DBP: variants seen among roughly 807,000 people sequenced by gnomAD.
DBP encodes the protein D site-binding protein.
In DBP, 12 loss-of-function variants were observed where a neutral mutation model predicts 21.4. The ratio of observed to expected loss-of-function variants is 0.56; its 90% CI spans 0.36 to 0.91. DBP has a LOEUF of 0.91. Among genes scored for constraint, DBP ranks in the 40% least tolerant of loss-of-function variants. The pLI, the probability that DBP is intolerant of heterozygous loss-of-function variation, is 0.01. For missense variants in DBP, 423 were observed against 473.4 expected (o/e 0.89, Z 0.99); for synonymous variants, 213 against 224.9 (o/e 0.95, Z 0.47).
Position 48,630,806 on chromosome 19 carries a change from G to C in DBP, c.*31C>G, listed in dbSNP as rs1175703150. On this transcript the variant is annotated 3_prime_UTR_variant, in exon 4 of 4. Coordinates refer to ENST00000222122, the MANE Select transcript of DBP (RefSeq NM_001352.5). This position sits in a 1 kb window ranked among gnomAD's most constrained non-coding sequence, Gnocchi z 4.9. ...GCGTAAGTCTCAGCAAGGCGGAGGA[G>C]AGCTCCGCCAGGTGGGGATGTGGGG... 1 of 1,548,020 alleles carries C rather than the reference G, an allele frequency of 6.5e-7. No homozygotes were observed. The highest frequency in any genetic ancestry group is 1.4e-5 in the African/African-American group (1 of 73,712).
chr19:48,634,900 C>T (rs2030727890), intron 2 of DBP: 4 of 985,744 alleles, frequency 4.1e-6, no homozygotes, highest in Non-Finnish European at 4.8e-6. Flanking sequence ...CCCTGCTCTC[C>T]GGGGAGCATC....
At chr19:48,631,582 C>A (rs2147708717) in intron 3 of DBP, 1 of 154,564 alleles carries the variant, frequency 6.5e-6, no homozygotes, top group South Asian at 2.0e-4. Context: ...TAAGTGGTTT[C>A]AATGACTGTG....
intron 3 of DBP, chr19:48,632,644 T>G (rs1311484907): frequency 1.3e-5 from 2 of 152,230 alleles, no homozygotes; most frequent in African/African-American, 4.8e-5. Flanking sequence ...AACAAAATCA[T>G]GCAAAGATGC....
chr19:48,635,380 T>C (rs1217003550), intron 2 of DBP, 200 bp downstream of exon 2: 1 of 1,384,640 alleles, frequency 7.2e-7, no homozygotes, highest in Non-Finnish European at 9.3e-7. Context: ...TCCAAGTCTC[T>C]CCTCCCCCAT....
intron 1 of DBP, 127 bp downstream of exon 1, chr19:48,636,729 T>G: frequency 1.7e-6 from 2 of 1,157,738 alleles, no homozygotes; most frequent in Non-Finnish European, 2.4e-6. Flanking sequence ...ACCTGAGTAA[T>G]TGAGTAGATT....
intron 1 of DBP, 99 bp downstream of exon 1, chr19:48,636,757 C>A: frequency 7.2e-7 from 1 of 1,397,096 alleles, no homozygotes; most frequent in Non-Finnish European, 9.8e-7. Context: ...GGAAGATGGA[C>A]TCCCCGCACG....
Position 48,637,305 on chromosome 19 carries a change from G to T in DBP, c.-311C>A. Reference sequence around the variant, plus strand: ...ACTCAAGGCGCTCCTTCTACAAGGTGGGCGAGCCTGGCTCTTGCAAAATCT... The same window carrying T: ...ACTCAAGGCGCTCCTTCTACAAGGTTGGCGAGCCTGGCTCTTGCAAAATCT... On this transcript the variant is annotated 5_prime_UTR_variant, in exon 1 of 4. Coordinates refer to ENST00000222122, the MANE Select transcript of DBP (RefSeq NM_001352.5). 3.0e-6 allele frequency: 1 copy of T among 333,316 alleles called. No homozygotes were observed. The allele number at this position is 333,316 out of a possible 1,614,324, so 20.6% of individuals were successfully genotyped here.
chr19:48,633,979 A>C (rs1249282063), intron 2 of DBP: 14 of 350,328 alleles, frequency 4.0e-5, no homozygotes, highest in South Asian at 3.4e-4. Flanking sequence ...GGGTGCCGGT[A>C]AGCCCAGCTA....
At chr19:48,631,826 A>C (rs2030600012) in intron 3 of DBP, 1 of 152,100 alleles carries the variant, frequency 6.6e-6, no homozygotes, top group African/African-American at 2.4e-5. Context: ...ATTTAATTAA[A>C]GCCCAGTTCC....
chr19:48,634,889 C>A, intron 2 of DBP: 1 of 985,774 alleles, frequency 1.0e-6, no homozygotes, highest in South Asian at 4.7e-5. Context: ...GATTCCCAAC[C>A]CCCTGCTCTC....
At chr19:48,634,629 C>T in intron 2 of DBP, 1 of 910,324 alleles carries the variant, frequency 1.1e-6, no homozygotes. Context: ...CCCTCACGTT[C>T]CCCCGGCCCC....
chr19:48,637,056 C>T lies in DBP; in HGVS notation c.-62G>A, dbSNP rs2030838772. 2 of 1,399,618 alleles carry T rather than the reference C, an allele frequency of 1.4e-6. No homozygotes were observed. The highest frequency in any genetic ancestry group is 5.7e-5 in the Admixed American group (2 of 35,268). 86.7% of individuals were successfully genotyped at this position (1,399,618 alleles called of 1,614,324 possible). ...AGAGGCGAAGGGCTGGCCTGCCAGT[C>T]ACCAGCACACTCCAGTGGTTTGGAC... On this transcript the variant is annotated 5_prime_UTR_variant, in exon 1 of 4. Coordinates refer to ENST00000222122, the MANE Select transcript of DBP (RefSeq NM_001352.5).
chr19:48,631,145 A>T, intron 3 of DBP, 93 bp from the exon 4 acceptor site: 6 of 1,112,064 alleles, frequency 5.4e-6, no homozygotes, highest in Non-Finnish European at 6.5e-6. Flanking sequence ...CCTAAACCAC[A>T]CCAGGTCTCT....
In DBP at chr19:48,636,080, G is replaced by C. The variant is rs752273850; in HGVS notation, c.140-90C>G. ...CCCCGAGTCCGAGAGGCACAGGGCG[G>C]AGATCCAGAGAAAGAGGGGACGGGG... On this transcript the variant is annotated intron_variant, in intron 1 of 3. Transcript: ENST00000222122. 6.5e-5 allele frequency: 83 copies of C among 1,272,658 alleles called. 1 individual carries two copies. In the Middle Eastern group the frequency reaches 1.1e-3, roughly 17 times the overall value. The allele number at this position is 1,272,658 out of a possible 1,614,324, so 78.8% of individuals were successfully genotyped here.
At position 48,635,598 on chromosome 19, in the gene DBP, C is replaced by G. The variant is rs570153198; in HGVS notation, c.532G>C (p.Ala178Pro). 1 of 1,361,468 alleles carries G rather than the reference C, an allele frequency of 7.3e-7. No homozygotes were observed. The highest frequency in any genetic ancestry group is 1.5e-5 in the African/African-American group (1 of 64,808). 84.3% of individuals were successfully genotyped at this position (1,361,468 alleles called of 1,614,324 possible). A position where few individuals can be genotyped will look rare whatever the true frequency, so the allele number is the denominator to read the frequency against. ...GCCGCACCTGCGCGGTGGCCGCTGG[C>G]GGTCCCGAGGGCAGCCCGGGCGGGG... The part of the protein sequence containing the change: ...HAPARAALGT[A>P]SGHRAGLTSR... The change falls in exon 2 of 4, where the codon GCC (alanine) becomes CCC (proline). Residue 178 changes from alanine (A) to proline (P), a missense_variant. Physicochemically the swap from Ala to Pro is conservative, Grantham distance 27. Transcript: ENST00000222122.
Position 48,630,094 on chromosome 19 carries a change from C to G in DBP, c.*743G>C. 6.3e-6 allele frequency: 8 copies of G among 1,272,982 alleles called. No individual in the cohort carries two copies. The highest frequency in any genetic ancestry group is 6.9e-6 in the Non-Finnish European group (7 of 1,008,968). 78.9% of individuals were successfully genotyped at this position (1,272,982 alleles called of 1,614,324 possible). ...CCTACCCGGCCAGGATGGCTGAGGG[C>G]GGAGTCTATTTTACGCGTCGCCCAA... On this transcript the variant is annotated 3_prime_UTR_variant, in exon 4 of 4. Transcript: ENST00000222122. The surrounding 1 kb of genome is among the most constrained non-coding windows in gnomAD (Gnocchi z 4.9).
intron 2 of DBP, chr19:48,634,695 T>C: frequency 1.0e-6 from 1 of 985,452 alleles, no homozygotes; most frequent in Non-Finnish European, 1.2e-6. Context: ...ATGGGAGGAC[T>C]CACGTGGCGC....
At chr19:48,635,445 A>G (rs2030747351) in intron 2 of DBP, 135 bp downstream of exon 2, 1 of 1,476,690 alleles carries the variant, frequency 6.8e-7, no homozygotes, top group African/African-American at 1.4e-5. Flanking sequence ...CCCTCCCACG[A>G]CACCTCTCGA....
At position 48,630,152 on chromosome 19, in the gene DBP, G is replaced by A. The variant is rs2030479371; in HGVS notation, c.*685C>T. On this transcript the variant is annotated 3_prime_UTR_variant, in exon 4 of 4. Transcript: ENST00000222122. This position sits in a 1 kb window ranked among gnomAD's most constrained non-coding sequence, Gnocchi z 4.9. ...ACCTGGAATGTACTGGCTGGGGTAG[G>A]CCTCAGTGAGTCGGCCGGTCAGGGC... The A allele has an allele frequency of 8.0e-7, 1 of 1,245,536 alleles. No homozygotes were observed. 77.2% of individuals were successfully genotyped at this position (1,245,536 alleles called of 1,614,324 possible).
Sources: gnomAD v4.1 joint callset for allele counts on GRCh38, gnomAD v4.1.1 for gene constraint, Gnocchi (gnomAD v3.1) non-coding constraint, MANE v1.5 for transcripts, NCBI Gene and HGNC (gene_info 2026-07-23, HGNC 2026-07-21) for gene names.